The following L3MBTL3 variants were observed in gnomAD, a reference collection of about 807,000 sequenced individuals.
L3MBTL3 encodes the protein L3MBTL histone methyl-lysine binding protein 3.
Under a neutral mutation model 102.3 loss-of-function variants are expected in L3MBTL3, and 27 were observed. The ratio of observed to expected loss-of-function variants is 0.26; its 90% CI spans 0.19 to 0.36. L3MBTL3 has a LOEUF of 0.36. Among genes scored for constraint, L3MBTL3 ranks in the 10% least tolerant of loss-of-function variants. L3MBTL3 has a pLI of 1.00. For missense variants in L3MBTL3, 798 were observed against 955.3 expected (o/e 0.84, Z 2.17); for synonymous variants, 340 against 320.9 (o/e 1.06, Z -0.64).
intron 19 of L3MBTL3, among the ~76,000 whole-genome samples, chr6:130,114,382 A>G (rs1429147621): frequency 6.6e-6 from 1 of 152,228 alleles, no homozygotes; most frequent in African/African-American, 2.4e-5. Flanking sequence ...CCTTTTCTGT[A>G]GAGTAGAAAA....
At chr6:130,055,023 GA>G (rs1258284624) in intron 7 of L3MBTL3, 147 bp from the exon 8 acceptor site, 2 of 636,430 alleles carry the variant, frequency 3.1e-6, no homozygotes, top group Non-Finnish European at 5.6e-6. Flanking sequence ...ACAGTTTTCA[GA>G]TGAACTATAT....
chr6:130,114,009 T>C (rs1785507317), intron 19 of L3MBTL3, among the ~76,000 whole-genome samples: 1 of 152,232 alleles, frequency 6.6e-6, no homozygotes, highest in African/African-American at 2.4e-5. Context: ...GAGCTTCATG[T>C]TGAATATCGG....
intron 2 of L3MBTL3, among the ~76,000 whole-genome samples, chr6:130,040,322 ACT>A (rs748464984): frequency 2.4e-4 from 36 of 148,624 alleles, no homozygotes; most frequent in Non-Finnish European, 4.6e-4. Context: ...CAACAGCGAA[ACT>A]CTGTCTCAAA....
At chr6:130,049,607 A>G (rs1292924483) in intron 4 of L3MBTL3, 149 bp from the exon 5 acceptor site, 1 of 871,492 alleles carries the variant, frequency 1.1e-6, no homozygotes, top group South Asian at 1.5e-5. Flanking sequence ...CCAGATCTGT[A>G]GTAGCACAAG....
At chr6:130,095,562 A>G (rs892693069) in intron 18 of L3MBTL3, among the ~76,000 whole-genome samples, 1 of 152,208 alleles carries the variant, frequency 6.6e-6, no homozygotes, top group South Asian at 2.1e-4. Flanking sequence ...TTCAGCCATT[A>G]TGTAAATCTA....
At chr6:130,095,813 A>C (rs1307747278) in intron 18 of L3MBTL3, among the ~76,000 whole-genome samples, 1 of 152,162 alleles carries the variant, frequency 6.6e-6, no homozygotes, top group East Asian at 1.9e-4. Context: ...ACCTGCTTTT[A>C]TAACAACCGC....
chr6:130,078,862 G>T (rs1041871925), intron 14 of L3MBTL3, among the ~76,000 whole-genome samples: 12 of 152,254 alleles, frequency 7.9e-5, no homozygotes, highest in South Asian at 2.1e-4. Flanking sequence ...CAGCCAACCT[G>T]CAGGCGTTAG....
rs190332958 is a variant in L3MBTL3 at position 130,122,650 on chromosome 6, A to G, written c.1966+1692A>G. On this transcript the variant is annotated intron_variant, in intron 20 of 22. Coordinates refer to ENST00000361794, the MANE Select transcript of L3MBTL3 (RefSeq NM_032438.4). The stretch of plus-strand genomic sequence containing the variant: ...TCTGATTATGGAAAAAGGCAGAAAA[A>G]TATTTAATATATGAAGGTTTTGTTA... 1.1e-4 allele frequency among the ~76,000 whole-genome samples: 17 copies of G among 152,366 alleles called. No individual in the cohort carries two copies. In the East Asian group the frequency reaches 3.3e-3, roughly 29 times the overall value.
At chr6:130,068,645 G>C (rs2114985454) in intron 12 of L3MBTL3, among the ~76,000 whole-genome samples, 2 of 152,260 alleles carry the variant, frequency 1.3e-5, no homozygotes, top group Middle Eastern at 3.4e-3. Flanking sequence ...TAGAAGACAA[G>C]ATAGTACAAG....
chr6:130,057,911 A>C (rs1030069654), intron 9 of L3MBTL3, among the ~76,000 whole-genome samples: 2 of 152,140 alleles, frequency 1.3e-5, no homozygotes, highest in Non-Finnish European at 2.9e-5. Context: ...TGGGAGGCCG[A>C]GGCGGGTGGA....
intron 20 of L3MBTL3, among the ~76,000 whole-genome samples, chr6:130,129,433 A>G (rs75957224): frequency 6.6e-6 from 1 of 152,154 alleles, no homozygotes. Context: ...ACTGTTGAGG[A>G]TGACAGCTTT....
chr6:130,064,824 A>G (rs1782141872), intron 10 of L3MBTL3, among the ~76,000 whole-genome samples: 1 of 152,186 alleles, frequency 6.6e-6, no homozygotes, highest in Admixed American at 6.5e-5. Flanking sequence ...CCTGAGATAG[A>G]GACTATGGGG....
intron 2 of L3MBTL3, among the ~76,000 whole-genome samples, chr6:130,038,448 A>G (rs958587681): frequency 2.0e-5 from 3 of 151,562 alleles, no homozygotes; most frequent in Admixed American, 1.3e-4. Flanking sequence ...TACATTTTTC[A>G]TAATTGCCAT....
Position 130,049,746 on chromosome 6 carries a change from A to C in L3MBTL3, c.215-10A>C. The stretch of plus-strand genomic sequence containing the variant: ...CTATATGCTGATGACTCCTAAATCT[A>C]CATCTCCAGCCCCGACCTCTCCCCC... On this transcript the variant is annotated splice_polypyrimidine_tract_variant and intron_variant, in intron 4 of 22. Coordinates refer to ENST00000361794, the MANE Select transcript of L3MBTL3 (RefSeq NM_032438.4). 6.2e-7 allele frequency: 1 copy of C among 1,613,916 alleles called. No homozygotes were observed. The highest frequency in any genetic ancestry group is 2.2e-5 in the East Asian group (1 of 44,878).
intron 3 of L3MBTL3, among the ~76,000 whole-genome samples, chr6:130,046,514 A>G (rs1204480924): frequency 6.6e-6 from 1 of 152,220 alleles, no homozygotes; most frequent in Non-Finnish European, 1.5e-5. Context: ...AAGAGAGTTG[A>G]ATCAATTAAA....
At chr6:130,113,415 C>G (rs1455083621) in intron 19 of L3MBTL3, among the ~76,000 whole-genome samples, 3 of 152,176 alleles carry the variant, frequency 2.0e-5, no homozygotes, top group African/African-American at 7.2e-5. Context: ...CCCACATAGC[C>G]TTGTTCTCAT....
intron 2 of L3MBTL3, among the ~76,000 whole-genome samples, chr6:130,029,201 A>C (rs577190517): frequency 6.6e-6 from 1 of 152,312 alleles, no homozygotes; most frequent in South Asian, 2.1e-4. Flanking sequence ...AGCCCCACTT[A>C]TGTCCTGGTC....
intron 2 of L3MBTL3, among the ~76,000 whole-genome samples, chr6:130,040,063 A>T (rs1250152388): frequency 6.6e-6 from 1 of 152,220 alleles, no homozygotes; most frequent in African/African-American, 2.4e-5. Flanking sequence ...GCAGTGGCTC[A>T]TGCCTGTAAT....
chr6:130,042,651 A>G (rs1473158736), intron 2 of L3MBTL3, 34 bp from the exon 3 acceptor site: 2 of 1,202,752 alleles, frequency 1.7e-6, no homozygotes, highest in Non-Finnish European at 2.5e-6. Flanking sequence ...TCCATGTGGA[A>G]TATTTAGTGA....
Sources: gnomAD v4.1 joint callset for allele counts (sites outside exome capture counted in the v4.1 genomes callset) on GRCh38, gnomAD v4.1.1 for gene constraint, MANE v1.5 for transcripts, NCBI Gene and HGNC (gene_info 2026-07-23, HGNC 2026-07-21) for gene names.